Variants in ABTB2 observed in about 807,000 individuals in gnomAD.
The protein encoded by ABTB2 is ankyrin repeat and BTB/POZ domain-containing protein 2.
ABTB2 carries 56 observed loss-of-function variants against 104.1 expected under a neutral mutation model. That is an observed-to-expected ratio of 0.54 (90% CI 0.43 to 0.67). The LOEUF (loss-of-function observed/expected upper bound fraction) is 0.67, where lower values mean the gene tolerates loss of function less well. Among genes scored for constraint, ABTB2 ranks in the 30% least tolerant of loss-of-function variants. The probability of loss-of-function intolerance (pLI) is 0.00; values close to 1 mark genes in which losing one functional copy is unlikely to be tolerated. For synonymous variants in ABTB2, 606 were observed against 608.2 expected (o/e 1.00, Z 0.05); for missense variants, 1,279 against 1,407.7 (o/e 0.91, Z 1.46).
chr11:34,261,752 G>A (rs1484623416), intron 1 of ABTB2, among the ~76,000 whole-genome samples: 3 of 152,098 alleles, frequency 2.0e-5, no homozygotes, highest in Non-Finnish European at 2.9e-5. Context: ...TTTAAAAAAC[G>A]CTATCACACA....
chr11:34,256,403 C>T (rs980917033), intron 1 of ABTB2, among the ~76,000 whole-genome samples: 19 of 152,146 alleles, frequency 1.2e-4, no homozygotes, highest in African/African-American at 4.3e-4. Flanking sequence ...GTATTTCAGC[C>T]TTGGGTTTCT....
chr11:34,198,908 G>A (rs1028479356), intron 2 of ABTB2, among the ~76,000 whole-genome samples: 8 of 152,110 alleles, frequency 5.3e-5, no homozygotes, highest in Admixed American at 2.0e-4. Context: ...TTCAACAGGC[G>A]GGCACGGCTA....
intron 1 of ABTB2, among the ~76,000 whole-genome samples, chr11:34,220,605 A>G (rs1853608750): frequency 6.6e-6 from 1 of 152,202 alleles, no homozygotes; most frequent in African/African-American, 2.4e-5. Flanking sequence ...GCCAGAGCCA[A>G]CGTGCTGAGG....
rs568070783 is a variant in ABTB2 at position 34,229,351 on chromosome 11, G to A, written c.884-24661C>T. Among the ~76,000 whole-genome samples, 405 of 151,444 alleles carry A rather than the reference G, an allele frequency of 2.7e-3. 1 individual carries two copies. Among genetic ancestry groups the A allele is most frequent in the Middle Eastern group, 0.014 (4 of 292 alleles). On this transcript the variant is annotated intron_variant, in intron 1 of 16. Coordinates refer to ENST00000435224, the MANE Select transcript of ABTB2 (RefSeq NM_145804.3). ...AAAAAATTAGCCAGGTGTGGTGGCGGGCGCCTGTAGTCCCAGCTACTCGGG... is the reference window on the plus strand; with the variant it reads ...AAAAAATTAGCCAGGTGTGGTGGCGAGCGCCTGTAGTCCCAGCTACTCGGG...
At chr11:34,266,736 C>T (rs1005885134) in intron 1 of ABTB2, among the ~76,000 whole-genome samples, 1 of 152,156 alleles carries the variant, frequency 6.6e-6, no homozygotes, top group Non-Finnish European at 1.5e-5. Flanking sequence ...CGCTACTGTG[C>T]TCCTTGGAGG....
intron 1 of ABTB2, among the ~76,000 whole-genome samples, chr11:34,291,829 A>G (rs1854567861): frequency 6.6e-6 from 1 of 152,056 alleles, no homozygotes; most frequent in Admixed American, 6.5e-5. Context: ...TTAAAAAATT[A>G]TTTAACATAT....
At chr11:34,300,392 C>A (rs1854688684) in intron 1 of ABTB2, among the ~76,000 whole-genome samples, 1 of 152,222 alleles carries the variant, frequency 6.6e-6, no homozygotes, top group Non-Finnish European at 1.5e-5. Context: ...GGCTGCTCCA[C>A]CCCAGAAAGA....
intron 1 of ABTB2, among the ~76,000 whole-genome samples, chr11:34,278,580 C>G (rs1184348742): frequency 6.6e-6 from 1 of 152,150 alleles, no homozygotes; most frequent in Non-Finnish European, 1.5e-5. Flanking sequence ...ATACAATGTG[C>G]TGGCCTCCAT....
chr11:34,152,606 G>C (rs933169602), intron 16 of ABTB2, 22 bp from the exon 17 acceptor site: 4 of 1,596,500 alleles, frequency 2.5e-6, no homozygotes, highest in Non-Finnish European at 3.4e-6. Flanking sequence ...AGAGAGGAGG[G>C]GTGAAGCCCA....
intron 1 of ABTB2, among the ~76,000 whole-genome samples, chr11:34,352,183 C>G (rs1372709272): frequency 1.3e-5 from 2 of 152,198 alleles, no homozygotes; most frequent in Non-Finnish European, 2.9e-5. Context: ...CGTCCCTGCT[C>G]TACATGCAGC....
At chr11:34,282,580 G>A (rs908562275) in intron 1 of ABTB2, among the ~76,000 whole-genome samples, 2 of 151,862 alleles carry the variant, frequency 1.3e-5, no homozygotes, top group Admixed American at 1.3e-4. Context: ...AGGCTGGAGT[G>A]CAGTGGCGCA....
At chr11:34,173,337 TG>T in intron 3 of ABTB2, 30 bp from the exon 4 acceptor site, 1 of 1,552,910 alleles carries the variant, frequency 6.4e-7, no homozygotes, top group Non-Finnish European at 8.7e-7. Context: ...GGGTCAGGCC[TG>T]GGGTGGGGTC....
intron 1 of ABTB2, among the ~76,000 whole-genome samples, chr11:34,282,184 G>A (rs1304230741): frequency 1.3e-5 from 2 of 152,062 alleles, no homozygotes; most frequent in Non-Finnish European, 2.9e-5. Flanking sequence ...AGCTCTCTGG[G>A]GCCTCTTCCC....
At chr11:34,208,758 G>A (rs1419855839) in intron 1 of ABTB2, among the ~76,000 whole-genome samples, 1 of 151,962 alleles carries the variant, frequency 6.6e-6, no homozygotes, top group Non-Finnish European at 1.5e-5. Flanking sequence ...AGACCTGTGA[G>A]TCACCCTTAT....
At position 34,357,079 on chromosome 11, in the gene ABTB2, C is replaced by A. The variant is rs773069250; in HGVS notation, c.505G>T (p.Ala169Ser). 1.3e-6 allele frequency: 2 copies of A among 1,523,192 alleles called. No individual in the cohort carries two copies. The highest frequency in any genetic ancestry group is 8.8e-7 in the Non-Finnish European group (1 of 1,137,940). The allele number at this position is 1,523,192 out of a possible 1,614,324, so 94.4% of individuals were successfully genotyped here. A position where few individuals can be genotyped will look rare whatever the true frequency, so the allele number is the denominator to read the frequency against. The change falls in exon 1 of 17, where the codon GCG becomes TCG. Residue 169 changes from alanine to serine, a missense_variant. By Grantham distance (99) the Ala-to-Ser change is moderately conservative (BLOSUM62 1). Transcript: ENST00000435224. ...GCCAGCGCGCAGCTCTCGGCCAGCGCCCAGCTGTGCACCAGGCGCACGGCG... is the reference window on the plus strand; with the variant it reads ...GCCAGCGCGCAGCTCTCGGCCAGCGACCAGCTGTGCACCAGGCGCACGGCG... ...QSAVRLVHSW[A>S]LAESCALAAV...
rs77095058 is a variant in ABTB2 at position 34,295,301 on chromosome 11, G to A, written c.883+61400C>T. ...TGATCTTACACAGGCTAGAGGTCGT[G>A]GGACCCTAACGTACAAGTTGGGGGT... On this transcript the variant is annotated intron_variant, in intron 1 of 16. Transcript: ENST00000435224. Among the ~76,000 whole-genome samples, 1,238 of 152,296 alleles carry A rather than the reference G, an allele frequency of 8.1e-3. 12 individuals carry two copies. Among genetic ancestry groups the A allele is most frequent in the African/African-American group, 0.027 (1,132 of 41,560 alleles).
intron 3 of ABTB2, among the ~76,000 whole-genome samples, chr11:34,182,693 A>G (rs1198342545): frequency 6.6e-6 from 1 of 151,998 alleles, no homozygotes; most frequent in Non-Finnish European, 1.5e-5. Flanking sequence ...AGTTTCTGTT[A>G]GCAGTGAGAT....
intron 1 of ABTB2, among the ~76,000 whole-genome samples, chr11:34,273,923 C>T (rs1017064157): frequency 3.3e-5 from 5 of 151,512 alleles, no homozygotes; most frequent in Admixed American, 6.6e-5. Flanking sequence ...GAGGCCGAGG[C>T]GGGTGGATCA....
In ABTB2 at chr11:34,356,933, G is replaced by A. The variant is rs1210485324; in HGVS notation, c.651C>T (p.Thr217=). 3.7e-6 allele frequency: 6 copies of A among 1,601,534 alleles called. No homozygotes were observed. The highest frequency in any genetic ancestry group is 5.1e-6 in the Non-Finnish European group (6 of 1,174,386). Residue 217 remains threonine (T), a synonymous_variant, in exon 1 of 17, where the codon ACC becomes ACT. Coordinates refer to ENST00000435224, the MANE Select transcript of ABTB2 (RefSeq NM_145804.3). The surrounding 1 kb of genome is among the most constrained non-coding windows in gnomAD (Gnocchi z 4.6). The stretch of plus-strand genomic sequence containing the variant: ...ACTCGTGGATGCGCACGGAGATTCG[G>A]GTGTCCACCATCCAGCGGAAAAAGC... ...VGRFFRWMVD[T]RISVRIHEYA...
Sources: gnomAD v4.1 joint callset for allele counts (sites outside exome capture counted in the v4.1 genomes callset) on GRCh38, gnomAD v4.1.1 for gene constraint, Gnocchi (gnomAD v3.1) non-coding constraint, MANE v1.5 for transcripts, NCBI Gene and HGNC (gene_info 2026-07-23, HGNC 2026-07-21) for gene names.